NIPBL: variants seen among roughly 807,000 people sequenced by gnomAD.
The protein encoded by NIPBL is NIPBL cohesin loading factor.
In NIPBL, 19 loss-of-function variants were observed where a neutral mutation model predicts 321.8. The observed-to-expected ratio is 0.06, with a 90% CI of 0.04 to 0.09. NIPBL has a LOEUF of 0.09. Among genes scored for constraint, NIPBL ranks in the 10% least tolerant of loss-of-function variants. The probability of loss-of-function intolerance (pLI) is 1.00; values close to 1 mark genes in which losing one functional copy is unlikely to be tolerated. For synonymous variants in NIPBL, 1,106 were observed against 1,114.1 expected (o/e 0.99, Z 0.14); for missense variants, 2,210 against 3,327.0 (o/e 0.66, Z 8.26).
chr5:36,885,847 G>C, intron 1 of NIPBL: 1 of 702,678 alleles, frequency 1.4e-6, no homozygotes, highest in South Asian at 1.4e-5. Context: ...TAATGAAGGA[G>C]AACCACGAAG....
At chr5:36,933,492 C>G (rs1749935100) in intron 1 of NIPBL, among the ~76,000 whole-genome samples, 1 of 151,894 alleles carries the variant, frequency 6.6e-6, no homozygotes, top group East Asian at 1.9e-4. Context: ...TATTTCTGGA[C>G]TTTAGTCTTG....
At chr5:36,916,849 C>T (rs1369129152) in intron 1 of NIPBL, among the ~76,000 whole-genome samples, 1 of 152,162 alleles carries the variant, frequency 6.6e-6, no homozygotes, top group African/African-American at 2.4e-5. Context: ...TTTATGGCTG[C>T]ATAGTATTCC....
At chr5:36,879,871 A>G (rs968195623) in intron 1 of NIPBL, among the ~76,000 whole-genome samples, 2 of 152,122 alleles carry the variant, frequency 1.3e-5, no homozygotes, top group African/African-American at 2.4e-5. Flanking sequence ...TTAAATAGAT[A>G]ATTTTCAATG....
intron 1 of NIPBL, among the ~76,000 whole-genome samples, chr5:36,945,734 A>G (rs919311729): frequency 6.6e-6 from 1 of 152,206 alleles, no homozygotes; most frequent in Non-Finnish European, 1.5e-5. Flanking sequence ...GAATTTTTAC[A>G]GTGCAGCTTA....
chr5:36,975,081 A>G (rs1350163925), intron 8 of NIPBL, among the ~76,000 whole-genome samples: 2 of 151,990 alleles, frequency 1.3e-5, no homozygotes, highest in Non-Finnish European at 2.9e-5. Context: ...TCTGGGCTCA[A>G]TATATTTTAT....
chr5:37,049,380 T>A (rs950880022), intron 40 of NIPBL, 79 bp downstream of exon 40: 1 of 1,449,446 alleles, frequency 6.9e-7, no homozygotes. Flanking sequence ...TTATAGAGAA[T>A]AAGTAGTTCT....
chr5:36,958,672 TAAG>T (rs1458131276), intron 4 of NIPBL, among the ~76,000 whole-genome samples: 3 of 152,104 alleles, frequency 2.0e-5, no homozygotes, highest in Non-Finnish European at 4.4e-5. Flanking sequence ...AAAAATTGGT[TAAG>T]TATTATTATT....
At position 37,046,184 on chromosome 5, in the gene NIPBL, G is replaced by T. The variant is rs1163409552; in HGVS notation, c.6574G>T (p.Ala2192Ser). The change falls in exon 38 of 47, where the codon GCT becomes TCT. Residue 2192 changes from alanine to serine, a missense_variant. Physicochemically the swap from Ala to Ser is moderately conservative, Grantham distance 99. This residue lies in a region of NIPBL where 40 missense variants were observed against 55.3 expected (regional missense o/e 0.72). Transcript: ENST00000282516. ...CTCAGATGAAGAAGTACAAACAAAAGCTATCATTGGTCTAGGTAAGTCTAA... is the reference window on the plus strand; with the variant it reads ...CTCAGATGAAGAAGTACAAACAAAATCTATCATTGGTCTAGGTAAGTCTAA... ...KHSDEEVQTKAIIGLGFAFIQ... is the reference protein window; with the variant it reads ...KHSDEEVQTKSIIGLGFAFIQ... 6 of 1,560,032 alleles carry T rather than the reference G, an allele frequency of 3.8e-6. No homozygotes were observed. The highest frequency in any genetic ancestry group is 5.3e-6 in the Non-Finnish European group (6 of 1,131,122).
chr5:37,006,649 G>A (rs988570647), intron 17 of NIPBL, 61 bp downstream of exon 17: 111 of 1,096,278 alleles, frequency 1.0e-4, no homozygotes, highest in Middle Eastern at 5.5e-4. Flanking sequence ...AGTCAAAATA[G>A]GACTTAAAAT....
At chr5:36,953,911 G>C (rs1740669560) in intron 2 of NIPBL, 151 bp downstream of exon 2, 1 of 674,726 alleles carries the variant, frequency 1.5e-6, no homozygotes. Context: ...AAAATTGATA[G>C]CCTAATTTAT....
At chr5:36,911,362 G>A (rs1748036007) in intron 1 of NIPBL, among the ~76,000 whole-genome samples, 2 of 152,134 alleles carry the variant, frequency 1.3e-5, no homozygotes, top group Admixed American at 1.3e-4. Context: ...AAAGTGAGTT[G>A]GCAGTAACAG....
intron 4 of NIPBL, 86 bp from the exon 5 acceptor site, chr5:36,961,398 T>C: frequency 1.2e-6 from 1 of 851,634 alleles, no homozygotes; most frequent in East Asian, 2.5e-5. Context: ...CTCTGGAATG[T>C]TTGAAAGAAT....
At chr5:37,036,952 C>T (rs929494666) in intron 33 of NIPBL, among the ~76,000 whole-genome samples, 3 of 151,812 alleles carry the variant, frequency 2.0e-5, no homozygotes, top group Non-Finnish European at 4.4e-5. Context: ...ATAAAGTTTG[C>T]TTAATCTTGA....
At chr5:36,923,751 A>T (rs1358916327) in intron 1 of NIPBL, among the ~76,000 whole-genome samples, 1 of 152,176 alleles carries the variant, frequency 6.6e-6, no homozygotes, top group African/African-American at 2.4e-5. Flanking sequence ...CTCTAAGGGG[A>T]TAATAATAAG....
At chr5:36,947,023 T>G (rs1163566914) in intron 1 of NIPBL, among the ~76,000 whole-genome samples, 1 of 152,122 alleles carries the variant, frequency 6.6e-6, no homozygotes, top group Non-Finnish European at 1.5e-5. Flanking sequence ...ATTTACGCCC[T>G]GAAACTTAAT....
Position 36,986,155 on chromosome 5 carries a change from T to C in NIPBL, c.2975T>C (p.Val992Ala), listed in dbSNP as rs1744773360. 6.2e-7 allele frequency: 1 copy of C among 1,613,846 alleles called. No individual in the cohort carries two copies. The highest frequency in any genetic ancestry group is 8.5e-7 in the Non-Finnish European group (1 of 1,179,882). Residue 992 changes from valine (V) to alanine (A), a missense_variant, in exon 10 of 47, where the codon GTT becomes GCT. Coordinates refer to ENST00000282516, the MANE Select transcript of NIPBL (RefSeq NM_133433.4). ...GACAAAGTAGAAAAAATAGGATTAG[T>C]TGAAGATCTAAATAAAGGAGCTAAG... ...PKDKVEKIGLVEDLNKGAKPV... is the reference protein window; with the variant it reads ...PKDKVEKIGLAEDLNKGAKPV...
rs189374331 is a variant in NIPBL at position 37,052,182 on chromosome 5, C to T, written c.7063-184C>T. Among the ~76,000 whole-genome samples, 1,042 of 149,628 alleles carry T rather than the reference C, an allele frequency of 7.0e-3. 10 individuals are homozygous for T. The highest frequency in any genetic ancestry group is 0.024 in the African/African-American group (975 of 40,880). ...TCCTGGGCCTCATTTTTTTTTTCTT[C>T]TTTGAAATGAGGGAATTGTAAGAGA... On this transcript the variant is annotated intron_variant, in intron 41 of 46. Coordinates refer to ENST00000282516, the MANE Select transcript of NIPBL (RefSeq NM_133433.4).
intron 1 of NIPBL, among the ~76,000 whole-genome samples, chr5:36,928,217 A>G (rs185179956): frequency 3.3e-5 from 5 of 152,296 alleles, no homozygotes; most frequent in Admixed American, 3.3e-4. Flanking sequence ...AAAACAGGGT[A>G]ATTATATTGA....
At chr5:36,974,387 A>G (rs1743211685) in intron 8 of NIPBL, among the ~76,000 whole-genome samples, 1 of 152,184 alleles carries the variant, frequency 6.6e-6, no homozygotes, top group South Asian at 2.1e-4. Context: ...AGTTTGTTCT[A>G]AAGTGTATAT....
Sources: allele counts gnomAD v4.1 joint callset (sites outside exome capture counted in the v4.1 genomes callset), GRCh38; gene constraint gnomAD v4.1.1; regional missense constraint gnomAD v4.1.1; transcripts MANE v1.5; gene names NCBI Gene and HGNC (gene_info 2026-07-23, HGNC 2026-07-21).